Variants in PKHD1 observed in about 807,000 individuals in gnomAD.
PKHD1 encodes the protein PKHD1 ciliary IPT domain containing fibrocystin/polyductin.
Under a neutral mutation model 412.0 loss-of-function variants are expected in PKHD1, and 291 were observed. The ratio of observed to expected loss-of-function variants is 0.71; its 90% CI spans 0.64 to 0.78. The LOEUF (loss-of-function observed/expected upper bound fraction) is 0.78. Ranked by LOEUF, PKHD1 falls within the 30% of genes least tolerant of loss-of-function variation. The pLI, the probability that PKHD1 is intolerant of heterozygous loss-of-function variation, is 0.00. For missense variants in PKHD1, 4,825 were observed against 4,950.7 expected, an observed-to-expected ratio of 0.97 and a Z score of 0.76; for synonymous variants, 1,777 against 1,821.5, an observed-to-expected ratio of 0.98 and a Z score of 0.62.
In PKHD1 at chr6:51,909,304, T is replaced by TGAGTGAGC. The variant is rs1403720134; in HGVS notation, c.6653_6660dup (p.Thr2221AlafsTer9). The stretch of plus-strand genomic sequence containing the variant: ...TTACCTCTCATAGCTCCCACCAGAG[T>TGAGTGAGC]GAGTGAGCTCAGATGCTTATGGAAG... On this transcript the variant is annotated frameshift_variant, in exon 40 of 67. Coordinates refer to ENST00000371117, the MANE Select transcript of PKHD1 (RefSeq NM_138694.4). LOFTEE classifies it high-confidence loss of function. The TGAGTGAGC allele has an allele frequency of 1.9e-6, 3 of 1,613,032 alleles. No homozygotes were observed. The highest frequency in any genetic ancestry group is 2.5e-6 in the Non-Finnish European group (3 of 1,179,288).
At chr6:51,626,943 G>T in intron 66 of PKHD1, 54 bp downstream of exon 66, 1 of 1,599,024 alleles carries the variant, frequency 6.3e-7, no homozygotes, top group Non-Finnish European at 8.6e-7. Context: ...GGGAGGCTCA[G>T]ACCATCCACA....
At chr6:51,682,685 G>A (rs1776852514) in intron 60 of PKHD1, among the ~76,000 whole-genome samples, 1 of 152,020 alleles carries the variant, frequency 6.6e-6, no homozygotes. Flanking sequence ...GGCAGAAAGT[G>A]ATGGAGACCA....
At chr6:51,720,863 T>C (rs1781841179) in intron 60 of PKHD1, 1 of 385,102 alleles carries the variant, frequency 2.6e-6, no homozygotes, top group Non-Finnish European at 3.6e-6. Flanking sequence ...ATTTTGTACA[T>C]ACAGCATTTA....
chr6:51,946,300 G>A (rs530026741), intron 36 of PKHD1, among the ~76,000 whole-genome samples: 3 of 152,028 alleles, frequency 2.0e-5, no homozygotes, highest in Non-Finnish European at 2.9e-5. Context: ...TCCCCACCCC[G>A]CTTTATTAGT....
rs374021376 is a variant in PKHD1 at position 51,827,737 on chromosome 6, G to A, written c.8302+3124C>T. Among the ~76,000 whole-genome samples, 18 of 152,160 alleles carry A rather than the reference G, an allele frequency of 1.2e-4. 1 individual carries two copies. The highest frequency in any genetic ancestry group is 4.1e-4 in the African/African-American group (17 of 41,514). On this transcript the variant is annotated intron_variant, in intron 52 of 66. Transcript: ENST00000371117. ...TATTAACCCAGCAAAATCCCTGGCT[G>A]GTCACAGTTGTATGGAACTTGACTT...
At chr6:52,054,283 C>A (rs149453052) in intron 19 of PKHD1, 118 bp from the exon 20 acceptor site, 9 of 890,714 alleles carry the variant, frequency 1.0e-5, no homozygotes, top group Non-Finnish European at 1.6e-5. Context: ...AGAGTCAGCA[C>A]AGTTCCTGCC....
At chr6:51,853,933 G>T (rs185578431) in intron 49 of PKHD1, among the ~76,000 whole-genome samples, 2 of 152,090 alleles carry the variant, frequency 1.3e-5, no homozygotes, top group African/African-American at 4.8e-5. Context: ...TCATCCATTT[G>T]ATCCTCCATC....
chr6:52,059,928 C>A lies in PKHD1; in HGVS notation c.1233G>T (p.Lys411Asn). ...HFSWSEEPRT[K>N]VKVASISVGT... Reference sequence around the variant, plus strand: ...AGGAAAATGAGAAGACAGTGAATACCTTAGTCCTTGGTTCCTCTGACCAAC... The same window carrying A: ...AGGAAAATGAGAAGACAGTGAATACATTAGTCCTTGGTTCCTCTGACCAAC... Residue 411 changes from lysine to asparagine, a missense_variant and splice_region_variant, in exon 15 of 67, where the codon AAG (lysine) becomes AAT (asparagine). Lys to Asn is a moderately conservative substitution (Grantham distance 94). Transcript: ENST00000371117. The A allele has an allele frequency of 7.2e-7, 1 of 1,385,048 alleles. No homozygotes were observed. The highest frequency in any genetic ancestry group is 1.0e-6 in the Non-Finnish European group (1 of 970,706). 85.8% of individuals were successfully genotyped at this position (1,385,048 alleles called of 1,614,324 possible). A position where few individuals can be genotyped will look rare whatever the true frequency, so the allele number is the denominator to read the frequency against.
intron 6 of PKHD1, among the ~76,000 whole-genome samples, chr6:52,074,624 G>T (rs1315745008): frequency 1.3e-5 from 2 of 152,118 alleles, no homozygotes; most frequent in African/African-American, 4.8e-5. Flanking sequence ...AAACGAAGAT[G>T]GCCAGCACAG....
chr6:51,703,378 AT>A (rs1018656029), intron 60 of PKHD1, among the ~76,000 whole-genome samples: 2 of 151,792 alleles, frequency 1.3e-5, no homozygotes, highest in Non-Finnish European at 2.9e-5. Context: ...TTATTTCTAT[AT>A]TTTTTTTACT....
chr6:51,862,008 G>C (rs988848313), intron 48 of PKHD1, among the ~76,000 whole-genome samples: 2 of 152,160 alleles, frequency 1.3e-5, no homozygotes, highest in Non-Finnish European at 2.9e-5. Flanking sequence ...AGGTAGACAG[G>C]TGGACAACTG....
chr6:51,891,313 CTT>C (rs1425602542), intron 43 of PKHD1, among the ~76,000 whole-genome samples: 15 of 152,052 alleles, frequency 9.9e-5, no homozygotes, highest in Admixed American at 9.2e-4. Context: ...GAGTTTCACT[CTT>C]GTTGCCCAGG....
At chr6:51,851,324 T>C (rs1309381288) in intron 49 of PKHD1, among the ~76,000 whole-genome samples, 2 of 152,246 alleles carry the variant, frequency 1.3e-5, no homozygotes, top group African/African-American at 2.4e-5. Flanking sequence ...GATTTTCACA[T>C]TGATGTTCAT....
intron 20 of PKHD1, 33 bp from the exon 21 acceptor site, chr6:52,053,284 C>T: frequency 2.5e-6 from 4 of 1,610,578 alleles, no homozygotes; most frequent in Non-Finnish European, 3.4e-6. Context: ...ACTGGGCTCT[C>T]AGGGAGCACT....
chr6:51,767,758 A>C (rs1339720670), intron 55 of PKHD1, among the ~76,000 whole-genome samples: 2 of 152,212 alleles, frequency 1.3e-5, no homozygotes, highest in African/African-American at 4.8e-5. Flanking sequence ...GCTATTGTGA[A>C]TAGTGCCGCA....
At position 51,911,737 on chromosome 6, in the gene PKHD1, T is replaced by C. The variant is rs12196767; in HGVS notation, c.6490+62A>G. On this transcript the variant is annotated intron_variant, in intron 39 of 66. Coordinates refer to ENST00000371117, the MANE Select transcript of PKHD1 (RefSeq NM_138694.4). ...AGGTCAACCACAGCAATGCCATCTA[T>C]CATCAGACAGTAAGAATATTCTTTT... The C allele has an allele frequency of 0.17, 239,633 of 1,402,834 alleles. 22,035 individuals carry two copies. The highest frequency in any genetic ancestry group is 0.19 in the Non-Finnish European group (191,357 of 991,144). The allele number at this position is 1,402,834 out of a possible 1,614,324, so 86.9% of individuals were successfully genotyped here. A position where few individuals can be genotyped will look rare whatever the true frequency, so the allele number is the denominator to read the frequency against.
rs143226202 is a variant in PKHD1, at chr6:52,054,052, C to T, written c.1950G>A (p.Arg650=). The T allele has an allele frequency of 2.8e-3, 4,554 of 1,613,902 alleles. 28 individuals are homozygous for T. Among genetic ancestry groups the T allele is most frequent in the South Asian group, 3.0e-3 (273 of 91,064 alleles). Reference sequence around the variant, plus strand: ...CGATTAGCTACCTCTCGGGGCTGGTCCTCGTGAGACTCCAGTCACAGGTGG... The same window carrying T: ...CGATTAGCTACCTCTCGGGGCTGGTTCTCGTGAGACTCCAGTCACAGGTGG... ...KNTTCDWSLT[R]TSPESWQFDC... is the part of the protein sequence containing the mutation. The change falls in exon 20 of 67, where the codon AGG becomes AGA. Residue 650 remains arginine, a synonymous_variant. Transcript: ENST00000371117.
At chr6:51,890,390 G>A (rs1244038014) in intron 43 of PKHD1, among the ~76,000 whole-genome samples, 2 of 149,462 alleles carry the variant, frequency 1.3e-5, no homozygotes, top group Non-Finnish European at 1.5e-5. Flanking sequence ...GACAGAACAG[G>A]CATTTGCTGT....
At chr6:51,777,003 A>G (rs1024593351) in intron 53 of PKHD1, among the ~76,000 whole-genome samples, 6 of 152,120 alleles carry the variant, frequency 3.9e-5, no homozygotes, top group Non-Finnish European at 8.8e-5. Flanking sequence ...TAAAGTTATT[A>G]AAGTCAGTTG....
Sources: gnomAD v4.1 joint callset for allele counts (sites outside exome capture counted in the v4.1 genomes callset) on GRCh38, gnomAD v4.1.1 for gene constraint, MANE v1.5 for transcripts, NCBI Gene and HGNC (gene_info 2026-07-23, HGNC 2026-07-21) for gene names.